The following TNFAIP8L3 variants were observed in gnomAD, a reference collection of about 807,000 sequenced individuals.
TNFAIP8L3 encodes tumor necrosis factor alpha-induced protein 8-like protein 3.
A neutral mutation model predicts 11.8 loss-of-function variants in TNFAIP8L3; 7 were observed. The observed-to-expected ratio is 0.59, with a 90% CI of 0.34 to 1.11. The LOEUF (loss-of-function observed/expected upper bound fraction) is 1.11, where lower values mean the gene tolerates loss of function less well. Among genes scored for constraint, TNFAIP8L3 ranks in the 50% most tolerant of loss-of-function variants. The pLI, the probability that TNFAIP8L3 is intolerant of heterozygous loss-of-function variation, is 0.03. For synonymous variants in TNFAIP8L3, 98 were observed against 103.8 expected, an observed-to-expected ratio of 0.94 and a Z score of 0.34; for missense variants, 219 against 258.6, an observed-to-expected ratio of 0.85 and a Z score of 1.05.
chr15:51,081,358 A>G (rs1242806769), intron 1 of TNFAIP8L3, among the ~76,000 whole-genome samples: 1 of 152,164 alleles, frequency 6.6e-6, no homozygotes, highest in Admixed American at 6.5e-5. Flanking sequence ...TGGAAGTTTT[A>G]GATTCTTTGA....
intron 1 of TNFAIP8L3, among the ~76,000 whole-genome samples, chr15:51,072,501 T>C (rs1399412997): frequency 6.6e-6 from 1 of 152,240 alleles, no homozygotes; most frequent in African/African-American, 2.4e-5. Flanking sequence ...TGGTGGTTTC[T>C]GTATCTCATT....
chr15:51,087,164 A>G (rs11070833), intron 1 of TNFAIP8L3, among the ~76,000 whole-genome samples: 36,876 of 152,110 alleles, frequency 0.24, 4,650 homozygotes, highest in East Asian at 0.44. Context: ...CACTGCACCC[A>G]GCTCACAATT....
chr15:51,069,228 G>A (rs1367253083), intron 1 of TNFAIP8L3, among the ~76,000 whole-genome samples: 1 of 152,154 alleles, frequency 6.6e-6, no homozygotes, highest in Non-Finnish European at 1.5e-5. Context: ...AGAGAGCTTT[G>A]GCTTTGCAGT....
intron 1 of TNFAIP8L3, among the ~76,000 whole-genome samples, chr15:51,092,374 G>T (rs1296365942): frequency 6.6e-6 from 1 of 152,246 alleles, no homozygotes; most frequent in Admixed American, 6.5e-5. Context: ...TATCTAACCT[G>T]TATCTGAATC....
chr15:51,083,296 G>C (rs552265868), intron 1 of TNFAIP8L3, among the ~76,000 whole-genome samples: 2 of 152,060 alleles, frequency 1.3e-5, no homozygotes, highest in African/African-American at 4.8e-5. Flanking sequence ...TTTTTGGAAC[G>C]ATGGACTGAC....
At chr15:51,088,382 C>T (rs2140979338) in intron 1 of TNFAIP8L3, among the ~76,000 whole-genome samples, 1 of 152,242 alleles carries the variant, frequency 6.6e-6, no homozygotes, top group Middle Eastern at 3.4e-3. Context: ...ACTAGAATTC[C>T]AAATCACATT....
intron 1 of TNFAIP8L3, among the ~76,000 whole-genome samples, chr15:51,063,759 T>C (rs2065253920): frequency 6.6e-6 from 1 of 152,276 alleles, no homozygotes; most frequent in South Asian, 2.1e-4. Flanking sequence ...ATATTGACAA[T>C]GAATCAAAAT....
chr15:51,095,069 C>G (rs2065503271), upstream of TNFAIP8L3, among the ~76,000 whole-genome samples: 2 of 152,116 alleles, frequency 1.3e-5, no homozygotes, highest in African/African-American at 4.8e-5. Flanking sequence ...TGTAAAATTA[C>G]TAGGTGAAAA....
rs200533641 is a variant in TNFAIP8L3, at chr15:51,058,218, C to T, written c.278G>A (p.Arg93Gln). 5.6e-6 allele frequency: 9 copies of T among 1,614,030 alleles called. No individual in the cohort carries two copies. Among genetic ancestry groups the T allele is most frequent in the South Asian group, 2.2e-5 (2 of 91,084 alleles). ...KVAIKIGILYRNNQFSQEELV... is the reference protein window; with the variant it reads ...KVAIKIGILYQNNQFSQEELV... The stretch of plus-strand genomic sequence containing the variant: ...CTCCTCTTGGCTAAACTGGTTGTTC[C>T]GGTAGAGGATCCCGATTTTGATCGC... Residue 93 changes from arginine to glutamine, a missense_variant, in exon 2 of 2, where the codon CGG becomes CAG. Physicochemically the swap from Arg to Gln is conservative, Grantham distance 43. Coordinates refer to ENST00000637513, the MANE Select transcript of TNFAIP8L3 (RefSeq NM_001311175.2).
intron 1 of TNFAIP8L3, among the ~76,000 whole-genome samples, chr15:51,066,164 CTT>C (rs66617524): frequency 1.2e-3 from 145 of 125,046 alleles, no homozygotes; most frequent in Non-Finnish European, 1.1e-3. Flanking sequence ...ACTTTCTTTC[CTT>C]TTTTTTTTTT....
Position 51,104,896 on chromosome 15 carries a change from C to G in TNFAIP8L3, c.172+109G>C, listed in dbSNP as rs548822130. On this transcript the variant is annotated intron_variant, in intron 1 of 2. Transcript: ENST00000327536. ...AAGAGATGGGCTGCCTGTGCTGGCC[C>G]TCTTCAGATGCCAGCTCTGTGCATC... The G allele has an allele frequency of 6.7e-4, 903 of 1,342,846 alleles. 1 individual carries two copies. The highest frequency in any genetic ancestry group is 1.5e-3 in the Admixed American group (78 of 52,808). 83.2% of individuals were successfully genotyped at this position (1,342,846 alleles called of 1,614,324 possible).
At chr15:51,103,698 C>T (rs929570375) in intron 1 of TNFAIP8L3, among the ~76,000 whole-genome samples, 2 of 152,186 alleles carry the variant, frequency 1.3e-5, no homozygotes, top group African/African-American at 4.8e-5. Context: ...CTTCCAAACT[C>T]CGTGTTACTT....
At chr15:51,095,212 G>A (rs545296987), upstream of TNFAIP8L3, among the ~76,000 whole-genome samples, 1 of 145,460 alleles carries the variant, frequency 6.9e-6, no homozygotes, top group South Asian at 2.2e-4. Context: ...AGGAAGATGA[G>A]GGAAGGGGGG....
At chr15:51,086,902 T>G (rs2065432174) in intron 1 of TNFAIP8L3, among the ~76,000 whole-genome samples, 1 of 152,102 alleles carries the variant, frequency 6.6e-6, no homozygotes, top group Non-Finnish European at 1.5e-5. Flanking sequence ...TTCTTTTTTT[T>G]TTTTTGGAGT....
chr15:51,105,157 T>C (rs778496602), exon 1 of TNFAIP8L3: 1 of 1,613,696 alleles, frequency 6.2e-7, no homozygotes, highest in Non-Finnish European at 8.5e-7. Context: ...TGTGCTTGGG[T>C]TTTGCCGTGG....
At chr15:51,072,133 A>G (rs1239706732) in intron 1 of TNFAIP8L3, among the ~76,000 whole-genome samples, 1 of 151,108 alleles carries the variant, frequency 6.6e-6, no homozygotes, top group African/African-American at 2.4e-5. Flanking sequence ...GGTGTCTTTA[A>G]TCATACAGAA....
intron 1 of TNFAIP8L3, among the ~76,000 whole-genome samples, chr15:51,060,192 A>G (rs1252559104): frequency 6.6e-6 from 1 of 152,236 alleles, no homozygotes; most frequent in Non-Finnish European, 1.5e-5. Flanking sequence ...ATCATCTACC[A>G]TGATCACTAG....
rs187923679 is a variant in TNFAIP8L3, at chr15:51,074,568, C to T, written c.53-16125G>A. Among the ~76,000 whole-genome samples, 9 of 152,322 alleles carry T rather than the reference C, an allele frequency of 5.9e-5. No individual in the cohort carries two copies. The East Asian group carries it at 1.5e-3, about 26-fold the overall frequency. On this transcript the variant is annotated intron_variant, in intron 1 of 1. Transcript: ENST00000637513. Reference sequence around the variant, plus strand: ...TGAACAGACCTCTGGCTCTGCCCACCGGATCCCATCCCTCCTACCAGAGGC... The same window carrying T: ...TGAACAGACCTCTGGCTCTGCCCACTGGATCCCATCCCTCCTACCAGAGGC...
At chr15:51,102,584 A>T (rs2065562410) in intron 1 of TNFAIP8L3, among the ~76,000 whole-genome samples, 1 of 152,226 alleles carries the variant, frequency 6.6e-6, no homozygotes, top group Non-Finnish European at 1.5e-5. Flanking sequence ...AAGGGGGAAG[A>T]AATGTTCAAG....
Sources: allele counts gnomAD v4.1 joint callset (sites outside exome capture counted in the v4.1 genomes callset), GRCh38; gene constraint gnomAD v4.1.1; transcripts MANE v1.5; gene names NCBI Gene and HGNC (gene_info 2026-07-23, HGNC 2026-07-21).